Variants in CRACDL observed in about 807,000 individuals in gnomAD.
CRACDL encodes the protein CRACD like.
A neutral mutation model predicts 70.6 loss-of-function variants in CRACDL; 26 were observed. That is an observed-to-expected ratio of 0.37 (90% confidence interval 0.27 to 0.51). The LOEUF (loss-of-function observed/expected upper bound fraction) is 0.51, where lower values mean the gene tolerates loss of function less well. Ranked by LOEUF, CRACDL falls within the 20% of genes least tolerant of loss-of-function variation. CRACDL has a pLI of 0.94. For synonymous variants in CRACDL, 618 were observed against 615.2 expected, an observed-to-expected ratio of 1.00 and a Z score of -0.07; for missense variants, 1,283 against 1,376.9, an observed-to-expected ratio of 0.93 and a Z score of 1.08.
At position 98,821,935 on chromosome 2, in the gene CRACDL, G is replaced by C. The variant is rs769268167; in HGVS notation, c.2338C>G (p.Pro780Ala). Reference sequence around the variant, plus strand: ...TCCCGCTCTCCCGGGCCGGCGTCGGGGGGCGCGGGCTGGTGCGGGAGCGTG... The same window carrying C: ...TCCCGCTCTCCCGGGCCGGCGTCGGCGGGCGCGGGCTGGTGCGGGAGCGTG... ...SFTLPHQPAP[P>A]DAGPGEREPR... Residue 780 changes from proline to alanine, a missense_variant, in exon 7 of 10, where the codon CCC becomes GCC. By Grantham distance (27) the Pro-to-Ala change is conservative. Transcript: ENST00000397899. 1.3e-6 allele frequency: 2 copies of C among 1,569,920 alleles called. No homozygotes were observed. The highest frequency in any genetic ancestry group is 1.7e-6 in the Non-Finnish European group (2 of 1,162,408).
intron 1 of CRACDL, among the ~76,000 whole-genome samples, chr2:98,890,744 T>A (rs1229652732): frequency 6.6e-6 from 1 of 152,224 alleles, no homozygotes; most frequent in Non-Finnish European, 1.5e-5. Flanking sequence ...TTGAGCCACA[T>A]GTCGATGCCC....
chr2:98,857,640 A>G (rs1197035174), intron 1 of CRACDL, among the ~76,000 whole-genome samples: 1 of 152,218 alleles, frequency 6.6e-6, no homozygotes, highest in Admixed American at 6.5e-5. Flanking sequence ...GAAGTCACAG[A>G]AGAACAAAGT....
Position 98,832,448 on chromosome 2 carries a change from C to G in CRACDL, c.440G>C (p.Arg147Pro). The G allele has an allele frequency of 1.2e-6, 2 of 1,613,982 alleles. No individual in the cohort carries two copies. Among genetic ancestry groups the G allele is most frequent in the Non-Finnish European group, 1.7e-6 (2 of 1,179,862 alleles). Residue 147 changes from arginine (R) to proline (P), a missense_variant, in exon 5 of 10, where the codon CGG becomes CCG. This residue lies in a region of CRACDL where 362 missense variants were observed against 495.0 expected (regional missense o/e 0.73). Coordinates refer to ENST00000397899, the MANE Select transcript of CRACDL (RefSeq NM_207362.3). ...PPPPGGLPAK[R>P]GEDAGMSSED... Reference sequence around the variant, plus strand: ...AGAGCTCATGCCGGCATCCTCTCCCCGCTTGGCAGGAAGCCCCCCTGGAGG... The same window carrying G: ...AGAGCTCATGCCGGCATCCTCTCCCGGCTTGGCAGGAAGCCCCCCTGGAGG...
chr2:98,823,311 C>T lies in CRACDL; in HGVS notation c.962G>A (p.Ser321Asn). Residue 321 changes from serine to asparagine, a missense_variant, in exon 7 of 10, where the codon AGC becomes AAC. Physicochemically the swap from Ser to Asn is conservative, Grantham distance 46 (BLOSUM62 1). This residue lies in a region of CRACDL where 362 missense variants were observed against 495.0 expected (regional missense o/e 0.73). Transcript: ENST00000397899. This position sits in a 1 kb window ranked among gnomAD's most constrained non-coding sequence, Gnocchi z 4.0. ...RLQHSSALTA[S>N]VEEGGVPGED... is the part of the protein sequence containing the mutation. The stretch of plus-strand genomic sequence containing the variant: ...CCCGGGGACGCCCCCCTCCTCCACG[C>T]TGGCCGTGAGCGCGGAGGAGTGCTG... 1.4e-6 allele frequency: 2 copies of T among 1,444,278 alleles called. No individual in the cohort carries two copies. The highest frequency in any genetic ancestry group is 2.5e-4 in the Middle Eastern group (1 of 4,024). 89.5% of individuals were successfully genotyped at this position (1,444,278 alleles called of 1,614,324 possible).
At chr2:98,916,164 G>A (rs566824499) in intron 1 of CRACDL, among the ~76,000 whole-genome samples, 5 of 152,292 alleles carry the variant, frequency 3.3e-5, no homozygotes, top group East Asian at 3.9e-4. Flanking sequence ...GTAATACTTC[G>A]TAGCAACAGA....
At chr2:98,889,172 G>T (rs1480626283) in intron 1 of CRACDL, among the ~76,000 whole-genome samples, 1 of 141,776 alleles carries the variant, frequency 7.1e-6, no homozygotes, top group Non-Finnish European at 1.5e-5. Flanking sequence ...GGAAGGAAGG[G>T]GAAGGAAAGA....
At position 98,822,610 on chromosome 2, in the gene CRACDL, C is replaced by T; in HGVS notation, c.1663G>A (p.Ala555Thr). 1.0e-5 allele frequency: 14 copies of T among 1,385,674 alleles called. No homozygotes were observed. Among genetic ancestry groups the T allele is most frequent in the Non-Finnish European group, 1.3e-5 (14 of 1,077,688 alleles). The allele number at this position is 1,385,674 out of a possible 1,614,324, so 85.8% of individuals were successfully genotyped here. A position where few individuals can be genotyped will look rare whatever the true frequency, so the allele number is the denominator to read the frequency against. The change falls in exon 7 of 10, where the codon GCG (alanine) becomes ACG (threonine). Residue 555 changes from alanine to threonine, a missense_variant. This residue lies in a region of CRACDL where 921 missense variants were observed against 881.9 expected (regional missense o/e 1.04). Transcript: ENST00000397899. The surrounding 1 kb of genome is among the most constrained non-coding windows in gnomAD (Gnocchi z 4.9). ...AEAPPAGAER[A>T]APERKAERGG... ...CTCTCCGCCTTCCGCTCTGGCGCCG[C>T]CCTCTCGGCGCCCGCCGGTGGCGCC...
intron 1 of CRACDL, among the ~76,000 whole-genome samples, chr2:98,932,982 G>T (rs1024318363): frequency 6.6e-5 from 10 of 152,202 alleles, no homozygotes; most frequent in Admixed American, 6.5e-5. Flanking sequence ...CTGAGGGGGC[G>T]TTCTTGTCCT....
At chr2:98,867,793 C>G (rs1302033569) in intron 1 of CRACDL, among the ~76,000 whole-genome samples, 1 of 152,162 alleles carries the variant, frequency 6.6e-6, no homozygotes, top group Non-Finnish European at 1.5e-5. Flanking sequence ...GCCCTGGGCA[C>G]AGTTTTGCAA....
At chr2:98,800,692 T>G (rs999990486) in intron 7 of CRACDL, among the ~76,000 whole-genome samples, 2 of 152,238 alleles carry the variant, frequency 1.3e-5, no homozygotes, top group African/African-American at 4.8e-5. Flanking sequence ...TGTTTGGTAC[T>G]AGACATGTTT....
rs182962964 is a variant in CRACDL at position 98,796,793 on chromosome 2, C to T, written c.2605-529G>A. 5.0e-3 allele frequency among the ~76,000 whole-genome samples: 757 copies of T among 152,264 alleles called. 1 individual carries two copies. Among genetic ancestry groups the T allele is most frequent in the African/African-American group, 0.016 (678 of 41,546 alleles). The stretch of plus-strand genomic sequence containing the variant: ...TGGGGGATACAAAAATTGCGAGTCT[C>T]GGCCTGATTCTAGGCATAGTTGTTT... On this transcript the variant is annotated intron_variant, in intron 8 of 9. Coordinates refer to ENST00000397899, the MANE Select transcript of CRACDL (RefSeq NM_207362.3).
intron 5 of CRACDL, among the ~76,000 whole-genome samples, chr2:98,828,238 A>G (rs6542837): frequency 0.35 from 52,942 of 152,092 alleles, 9,660 homozygotes; most frequent in African/African-American, 0.45. Context: ...CTGTGAGCAC[A>G]TGCAGCCCAG....
intron 1 of CRACDL, among the ~76,000 whole-genome samples, chr2:98,910,847 T>A (rs12474283): frequency 6.6e-6 from 1 of 152,036 alleles, no homozygotes; most frequent in African/African-American, 2.4e-5. Flanking sequence ...TGCCTCCTCT[T>A]ACGGGTGACA....
intron 3 of CRACDL, among the ~76,000 whole-genome samples, chr2:98,837,686 C>G (rs1373938252): frequency 2.6e-5 from 4 of 151,884 alleles, no homozygotes; most frequent in African/African-American, 9.7e-5. Flanking sequence ...CAAGGAGCGC[C>G]CCCTCCCCAC....
chr2:98,846,679 G>T (rs1706267347), intron 2 of CRACDL, 52 bp downstream of exon 2: 2 of 1,474,314 alleles, frequency 1.4e-6, no homozygotes, highest in African/African-American at 1.4e-5. Flanking sequence ...CCCTCTCCCT[G>T]CCCCACAACA....
chr2:98,798,504 C>G (rs1703939005), intron 7 of CRACDL, among the ~76,000 whole-genome samples: 1 of 140,942 alleles, frequency 7.1e-6, no homozygotes, highest in Non-Finnish European at 1.5e-5. Context: ...AAAAAAGACA[C>G]CATATGTTTT....
intron 1 of CRACDL, among the ~76,000 whole-genome samples, chr2:98,922,187 G>A (rs973445977): frequency 6.6e-6 from 1 of 152,038 alleles, no homozygotes; most frequent in African/African-American, 2.4e-5. Context: ...TGTGATCCCA[G>A]CACTTTGGGA....
Position 98,806,089 on chromosome 2 carries a change from G to GGGCT in CRACDL, c.2417-8553_2417-8552insAGCC, listed in dbSNP as rs1429613357. Reference sequence around the variant, plus strand: ...TTATTTACGAGGGCCTCATATGGTAGTATATCCATCATGGGGTGGGGTGAG... The same window carrying GGGCT: ...TTATTTACGAGGGCCTCATATGGTAGGGCTTATATCCATCATGGGGTGGGGTGAG... On this transcript the variant is annotated intron_variant, in intron 7 of 9. Transcript: ENST00000397899. Among the ~76,000 whole-genome samples, 750 of 152,376 alleles carry GGGCT rather than the reference G, an allele frequency of 4.9e-3. 1 individual carries two copies. Among genetic ancestry groups the GGGCT allele is most frequent in the African/African-American group, 0.016 (672 of 41,588 alleles).
At chr2:98,845,901 T>C (rs1457134109) in intron 2 of CRACDL, among the ~76,000 whole-genome samples, 1 of 152,216 alleles carries the variant, frequency 6.6e-6, no homozygotes, top group Non-Finnish European at 1.5e-5. Context: ...AAATCTATCT[T>C]TAATATCTGA....
Sources: gnomAD v4.1 joint callset for allele counts (sites outside exome capture counted in the v4.1 genomes callset) on GRCh38, gnomAD v4.1.1 for gene constraint, gnomAD v4.1.1 regional missense constraint, Gnocchi (gnomAD v3.1) non-coding constraint, MANE v1.5 for transcripts, NCBI Gene and HGNC (gene_info 2026-07-23, HGNC 2026-07-21) for gene names.